Variants in BRCA2 observed in about 807,000 individuals in gnomAD.
BRCA2 encodes BRCA2 DNA repair associated, also known as breast cancer type 2 susceptibility protein.
BRCA2 carries 203 observed loss-of-function variants against 276.7 expected under a neutral mutation model. The ratio of observed to expected loss-of-function variants is 0.73; its 90% CI spans 0.65 to 0.82. BRCA2 has a LOEUF of 0.82. BRCA2 is among the 40% of genes least tolerant of loss of function. The pLI is 0.00. For missense variants in BRCA2, 3,920 were observed against 3,915.0 expected (o/e 1.00, Z -0.03); for synonymous variants, 1,289 against 1,338.4 (o/e 0.96, Z 0.81).
intron 24 of BRCA2, 99 bp downstream of exon 24, chr13:32,380,244 T>G: frequency 7.9e-7 from 1 of 1,264,250 alleles, no homozygotes; most frequent in East Asian, 2.5e-5. Context: ...TTGGCAAATT[T>G]GCTAGCTAAC....
intron 24 of BRCA2, among the ~76,000 whole-genome samples, chr13:32,389,955 A>G (rs962247180): frequency 6.6e-6 from 1 of 152,222 alleles, no homozygotes; most frequent in Admixed American, 6.5e-5. Context: ...GGGGAAGGAG[A>G]TTAGACTCTG....
chr13:32,395,076 A>G (rs2073027087), intron 25 of BRCA2, 143 bp downstream of exon 25: 3 of 1,140,466 alleles, frequency 2.6e-6, no homozygotes, highest in Non-Finnish European at 2.5e-6. Context: ...TTGCCCATGA[A>G]CCTCAGGAGA....
rs1240140012 is a variant in BRCA2 at position 32,346,736 on chromosome 13, A to G, written c.6938-91A>G. 9.0e-6 allele frequency: 9 copies of G among 996,928 alleles called. No individual in the cohort carries two copies. The East Asian group carries it at 1.6e-4, about 18-fold the overall frequency. 61.8% of individuals were successfully genotyped at this position (996,928 alleles called of 1,614,324 possible). The stretch of plus-strand genomic sequence containing the variant: ...ACATTCACTGAAAATTGTAAAGCCT[A>G]TAATTGTCTCAAATTTTTTGTGTAT... On this transcript the variant is annotated intron_variant, in intron 12 of 26. Transcript: ENST00000380152.
intron 26 of BRCA2, 129 bp downstream of exon 26, chr13:32,397,173 C>A (rs555728068): frequency 1.9e-6 from 2 of 1,051,368 alleles, no homozygotes; most frequent in East Asian, 2.4e-5. Context: ...TGTTATGTGG[C>A]TCCTGTAAGT....
Position 32,334,587 on chromosome 13 carries a change from T to C in BRCA2, c.1909+1200T>C, listed in dbSNP as rs190338696. Among the ~76,000 whole-genome samples the C allele has an allele frequency of 1.8e-3, 272 of 150,754 alleles. 1 individual carries two copies. Among genetic ancestry groups the C allele is most frequent in the African/African-American group, 6.4e-3 (261 of 40,938 alleles). On this transcript the variant is annotated intron_variant, in intron 10 of 26. Coordinates refer to ENST00000380152, the MANE Select transcript of BRCA2 (RefSeq NM_000059.4). ...TACTCAGGATGCTCAGACAGGAGGA[T>C]CACTTGAGCCCAAGTGACTGAGGCT...
intron 24 of BRCA2, among the ~76,000 whole-genome samples, chr13:32,388,417 C>T (rs1468495257): frequency 1.7e-4 from 26 of 152,054 alleles, no homozygotes; most frequent in Admixed American, 1.7e-3. Flanking sequence ...CTATGCCCAG[C>T]GTGTCTTAGG....
chr13:32,394,823 T>C lies in BRCA2; in HGVS notation c.9391T>C (p.Ser3131Pro), dbSNP rs398122613. 1 of 1,614,120 alleles carries C rather than the reference T, an allele frequency of 6.2e-7. No homozygotes were observed. Residue 3131 changes from serine to proline, a missense_variant, in exon 25 of 27, where the codon TCC (serine) becomes CCC (proline). Ser to Pro is a moderately conservative substitution (Grantham distance 74, BLOSUM62 -1). This residue lies in a region of BRCA2 where 657 missense variants were observed against 758.2 expected (regional missense o/e 0.87). Coordinates refer to ENST00000380152, the MANE Select transcript of BRCA2 (RefSeq NM_000059.4). ...AASNLQWRPESKSGLLTLFAG... is the reference protein window; with the variant it reads ...AASNLQWRPEPKSGLLTLFAG... ...AAGCAACCTCCAGTGGCGACCAGAA[T>C]CCAAATCAGGCCTTCTTACTTTATT... is the stretch of plus-strand genomic sequence containing the variant.
chr13:32,338,228 A>G lies in BRCA2; in HGVS notation c.3873A>G (p.Gln1291=), dbSNP rs2137500852. 3 of 1,538,706 alleles carry G rather than the reference A, an allele frequency of 1.9e-6. No homozygotes were observed. Among genetic ancestry groups the G allele is most frequent in the Non-Finnish European group, 2.6e-6 (3 of 1,140,526 alleles). Residue 1291 remains glutamine, a synonymous_variant, in exon 11 of 27, where the codon CAA becomes CAG. Transcript: ENST00000380152. ...KTVSEKNNKC[Q]LILQNNIEMT... ...TAAGTGAAAAAAATAATAAATGCCA[A>G]CTGATATTACAAAATAATATTGAAA...
At position 32,326,482 on chromosome 13, in the gene BRCA2, A is replaced by G. The variant is rs1060504603; in HGVS notation, c.517-17A>G. 1.9e-6 allele frequency: 3 copies of G among 1,566,194 alleles called. No individual in the cohort carries two copies. The highest frequency in any genetic ancestry group is 2.7e-5 in the African/African-American group (2 of 73,852). ...AGGGCATTTCTATAAAAAATAAACT[A>G]TTTTCTTTCCTCCCAGGGTCGTCAG... On this transcript the variant is annotated splice_polypyrimidine_tract_variant and intron_variant, in intron 6 of 26. Coordinates refer to ENST00000380152, the MANE Select transcript of BRCA2 (RefSeq NM_000059.4).
At chr13:32,381,729 C>T (rs2072925452) in intron 24 of BRCA2, among the ~76,000 whole-genome samples, 1 of 152,094 alleles carries the variant, frequency 6.6e-6, no homozygotes, top group South Asian at 2.1e-4. Flanking sequence ...GACAGGTTTT[C>T]ACAGAATCAT....
rs184005188 is a variant in BRCA2, at chr13:32,382,396, A to G, written c.9256+2251A>G. Among the ~76,000 whole-genome samples, 80 of 152,388 alleles carry G rather than the reference A, an allele frequency of 5.2e-4. 1 individual carries two copies. Among genetic ancestry groups the G allele is most frequent in the Middle Eastern group, 6.8e-3 (2 of 294 alleles). On this transcript the variant is annotated intron_variant, in intron 24 of 26. Transcript: ENST00000380152. Reference sequence around the variant, plus strand: ...AAATATAAATGTAAATATAGGAATCAGTAAAAGAAACAGAGGAATGGCCAG... The same window carrying G: ...AAATATAAATGTAAATATAGGAATCGGTAAAAGAAACAGAGGAATGGCCAG...
intron 13 of BRCA2, among the ~76,000 whole-genome samples, 158 bp downstream of exon 13, chr13:32,347,054 T>A (rs1330577908): frequency 2.0e-5 from 3 of 152,166 alleles, no homozygotes; most frequent in Non-Finnish European, 4.4e-5. Context: ...TTTATAGTGC[T>A]GTTCATATCA....
chr13:32,346,804 A>G, intron 12 of BRCA2, 23 bp from the exon 13 acceptor site: 1 of 1,561,184 alleles, frequency 6.4e-7, no homozygotes, highest in Non-Finnish European at 8.8e-7. Context: ...ACTAATATGT[A>G]ATATAAAATA....
chr13:32,370,334 T>C (rs1278205421), intron 18 of BRCA2, 68 bp from the exon 19 acceptor site: 1 of 1,466,438 alleles, frequency 6.8e-7, no homozygotes, highest in African/African-American at 1.4e-5. Context: ...TGAAAACTCT[T>C]ATGATATCTG....
chr13:32,315,205 T>C (rs1460434907), upstream of BRCA2: 1 of 152,260 alleles, frequency 6.6e-6, no homozygotes, highest in East Asian at 1.9e-4. Flanking sequence ...CACCCAAACA[T>C]GAGCTGGAGC....
At chr13:32,384,388 G>A (rs949038523) in intron 24 of BRCA2, among the ~76,000 whole-genome samples, 2 of 152,190 alleles carry the variant, frequency 1.3e-5, no homozygotes, top group Admixed American at 1.3e-4. Context: ...AGGAGATGGT[G>A]CCCAGAAAGG....
chr13:32,363,132 T>TC, intron 17 of BRCA2, 47 bp from the exon 18 acceptor site: 1 of 1,491,234 alleles, frequency 6.7e-7, no homozygotes, highest in East Asian at 2.3e-5. Context: ...ACAGTGGAAT[T>TC]CTAGAGTCAC....
rs431825346 is a variant in BRCA2 at position 32,341,192 on chromosome 13, A to G, written c.6837A>G (p.Leu2279=). ...AAAGAAGAGGAGAGCCCCTTATCTT[A>G]GTGGGTAAGTGTTCATTTTTACCTT... ...IGKRRGEPLI[L]VGEPSIKRNL... Residue 2279 remains leucine, a synonymous_variant, in exon 11 of 27, where the codon TTA becomes TTG. Transcript: ENST00000380152. 6.2e-7 allele frequency: 1 copy of G among 1,613,916 alleles called. No individual in the cohort carries two copies. The highest frequency in any genetic ancestry group is 1.1e-5 in the South Asian group (1 of 91,036).
chr13:32,333,468 T>A lies in BRCA2; in HGVS notation c.1909+81T>A, dbSNP rs2072426366. 3.5e-6 allele frequency: 5 copies of A among 1,433,304 alleles called. 1 individual carries two copies. The South Asian group carries it at 6.3e-5, about 18-fold the overall frequency. The allele number at this position is 1,433,304 out of a possible 1,614,324, so 88.8% of individuals were successfully genotyped here. A position where few individuals can be genotyped will look rare whatever the true frequency, so the allele number is the denominator to read the frequency against. On this transcript the variant is annotated intron_variant, in intron 10 of 26. Transcript: ENST00000380152. ...TCCTTCTGTGTTTTTTTCTGCTTTTTAAAATCTTCATATCTTATATTTAAT... is the reference window on the plus strand; with the variant it reads ...TCCTTCTGTGTTTTTTTCTGCTTTTAAAAATCTTCATATCTTATATTTAAT...
Sources: allele counts gnomAD v4.1 joint callset (sites outside exome capture counted in the v4.1 genomes callset), GRCh38; gene constraint gnomAD v4.1.1; regional missense constraint gnomAD v4.1.1; transcripts MANE v1.5; gene names NCBI Gene and HGNC (gene_info 2026-07-23, HGNC 2026-07-21).